The following LRP1B variants were observed in gnomAD, a reference collection of about 807,000 sequenced individuals.
LRP1B encodes the protein low-density lipoprotein receptor-related protein 1B.
LRP1B carries 217 observed loss-of-function variants against 556.6 expected under a neutral mutation model. The observed-to-expected ratio is 0.39, with a 90% CI of 0.35 to 0.44. The LOEUF is 0.44. LRP1B is among the 20% of genes least tolerant of loss of function. The pLI is 1.00. For synonymous variants in LRP1B, 2,047 were observed against 1,865.8 expected (o/e 1.10, Z -2.50); for missense variants, 5,053 against 5,620.8 (o/e 0.90, Z 3.23).
chr2:141,326,265 A>G (rs1687424176), intron 3 of LRP1B, among the ~76,000 whole-genome samples: 1 of 152,148 alleles, frequency 6.6e-6, no homozygotes, highest in African/African-American at 2.4e-5. Flanking sequence ...TGATTTGATA[A>G]AAGTATTTTC....
intron 66 of LRP1B, among the ~76,000 whole-genome samples, chr2:140,399,267 C>T (rs2380790): frequency 0.11 from 17,140 of 151,892 alleles, 1,092 homozygotes; most frequent in African/African-American, 0.17. Flanking sequence ...ATTTACTTTT[C>T]GTGTATAGAT....
chr2:140,272,120 A>G (rs571075636), intron 85 of LRP1B, among the ~76,000 whole-genome samples: 3 of 152,036 alleles, frequency 2.0e-5, no homozygotes, highest in Admixed American at 6.6e-5. Flanking sequence ...TAAGTTGAAG[A>G]CAGAAATTTG....
chr2:142,088,326 C>A (rs1371710407), intron 1 of LRP1B, among the ~76,000 whole-genome samples: 1 of 152,106 alleles, frequency 6.6e-6, no homozygotes, highest in East Asian at 1.9e-4. Context: ...ATTTTCCCAG[C>A]TACATTTAAT....
At chr2:141,417,103 G>A (rs946525516) in intron 3 of LRP1B, among the ~76,000 whole-genome samples, 15 of 151,746 alleles carry the variant, frequency 9.9e-5, no homozygotes, top group African/African-American at 3.6e-4. Flanking sequence ...TCTTTACTTT[G>A]AAGTCTTATT....
intron 86 of LRP1B, among the ~76,000 whole-genome samples, chr2:140,252,796 C>T (rs1681506677): frequency 6.6e-6 from 1 of 152,044 alleles, no homozygotes; most frequent in Non-Finnish European, 1.5e-5. Context: ...TTCTTGAAAT[C>T]AACATCACAT....
At chr2:141,368,262 T>C (rs1415963902) in intron 3 of LRP1B, among the ~76,000 whole-genome samples, 1 of 152,182 alleles carries the variant, frequency 6.6e-6, no homozygotes, top group Non-Finnish European at 1.5e-5. Flanking sequence ...TGGGAATAAT[T>C]TGTGAATGTC....
chr2:141,947,601 G>A (rs112368525), intron 1 of LRP1B, among the ~76,000 whole-genome samples: 8 of 152,146 alleles, frequency 5.3e-5, no homozygotes, highest in African/African-American at 1.4e-4. Flanking sequence ...TCACTAGGGC[G>A]TGATAGTGTT....
Position 140,270,327 on chromosome 2 carries a change from C to T in LRP1B, c.13162G>A (p.Ala4388Thr). The change falls in exon 86 of 91, where the codon GCC becomes ACC. Residue 4388 changes from alanine to threonine, a missense_variant. Ala to Thr is a moderately conservative substitution (Grantham distance 58). Coordinates refer to ENST00000389484, the MANE Select transcript of LRP1B (RefSeq NM_018557.3). ...IFCNCTNGKI[A>T]SSCQLCDGYC... ...CCATCACATAACTGACAGCTAGAGG[C>T]AATCTTTCCATTAGTGCAGCTGCAA... is the stretch of plus-strand genomic sequence containing the variant. The T allele has an allele frequency of 1.2e-6, 2 of 1,610,600 alleles. No homozygotes were observed. Among genetic ancestry groups the T allele is most frequent in the Non-Finnish European group, 1.7e-6 (2 of 1,177,660 alleles).
intron 35 of LRP1B, among the ~76,000 whole-genome samples, chr2:140,748,790 TATTATATA>T (rs1463349819): frequency 2.2e-4 from 10 of 46,116 alleles, no homozygotes; most frequent in South Asian, 6.1e-4. Context: ...ATATAATATA[TATTATATA>T]CATATTATAT....
At chr2:141,422,967 A>C (rs1680194484) in intron 3 of LRP1B, among the ~76,000 whole-genome samples, 1 of 152,216 alleles carries the variant, frequency 6.6e-6, no homozygotes, top group Admixed American at 6.5e-5. Context: ...TAGAGGAAAA[A>C]AGTCAGTTGA....
chr2:141,907,918 T>A (rs1247775607), intron 1 of LRP1B, among the ~76,000 whole-genome samples: 2 of 151,990 alleles, frequency 1.3e-5, no homozygotes, highest in African/African-American at 2.4e-5. Flanking sequence ...TGACCCCTAT[T>A]TAAAACTCAC....
intron 55 of LRP1B, among the ~76,000 whole-genome samples, 199 bp from the exon 56 acceptor site, chr2:140,495,947 A>C (rs1688907384): frequency 6.6e-6 from 1 of 152,186 alleles, no homozygotes; most frequent in Non-Finnish European, 1.5e-5. Context: ...AAATATCTTC[A>C]TTTGATCTTT....
chr2:141,206,997 A>G (rs559894876), intron 6 of LRP1B, among the ~76,000 whole-genome samples: 121 of 152,264 alleles, frequency 7.9e-4, no homozygotes, highest in Non-Finnish European at 1.1e-3. Flanking sequence ...TGGGTGCACA[A>G]TTTCAAGTTT....
intron 2 of LRP1B, among the ~76,000 whole-genome samples, chr2:141,635,047 A>AACACAC (rs3221098): frequency 0.64 from 96,020 of 149,856 alleles, 32,713 homozygotes; most frequent in East Asian, 0.77. Context: ...ACTATAGTGA[A>AACACAC]ACACACACAC....
chr2:140,744,100 G>A (rs1688239231), intron 35 of LRP1B, among the ~76,000 whole-genome samples: 1 of 151,710 alleles, frequency 6.6e-6, no homozygotes, highest in African/African-American at 2.4e-5. Context: ...AAGATAAACA[G>A]GTTCTGGGGA....
In LRP1B at chr2:140,247,574, A is replaced by G. The variant is rs1252056821; in HGVS notation, c.13248-412T>C. 2.6e-5 allele frequency among the ~76,000 whole-genome samples: 4 copies of G among 151,572 alleles called. No individual in the cohort carries two copies. The Admixed American group carries it at 2.6e-4, about 10-fold the overall frequency. On this transcript the variant is annotated intron_variant, in intron 86 of 90. Transcript: ENST00000389484. ...CTTTTTCTGGTTGTTCTAAGTCCAG[A>G]GTGGAACTAACTACCAAACAGCAAA...
At chr2:141,050,157 A>G (rs1698993571) in intron 10 of LRP1B, among the ~76,000 whole-genome samples, 1 of 151,882 alleles carries the variant, frequency 6.6e-6, no homozygotes, top group Non-Finnish European at 1.5e-5. Context: ...AATAATTGAT[A>G]TTCATAGTAA....
chr2:140,448,246 A>G (rs544335085), intron 63 of LRP1B, among the ~76,000 whole-genome samples: 1 of 152,186 alleles, frequency 6.6e-6, no homozygotes, highest in East Asian at 1.9e-4. Flanking sequence ...ACAATAAAAT[A>G]AGTTATGCCT....
chr2:141,642,008 A>AC (rs67831144), intron 2 of LRP1B, among the ~76,000 whole-genome samples: 13 of 138,348 alleles, frequency 9.4e-5, no homozygotes, highest in African/African-American at 3.0e-4. Context: ...AACAAACAAA[A>AC]CCCCCCCCCA....
Sources: gnomAD v4.1 joint callset for allele counts (sites outside exome capture counted in the v4.1 genomes callset) on GRCh38, gnomAD v4.1.1 for gene constraint, MANE v1.5 for transcripts, NCBI Gene and HGNC (gene_info 2026-07-23, HGNC 2026-07-21) for gene names.